The following BRINP2 variants were observed in gnomAD, a reference collection of about 807,000 sequenced individuals.
BRINP2 encodes the protein BMP/retinoic acid inducible neural specific 2.
In BRINP2, 21 loss-of-function variants were observed where a neutral mutation model predicts 69.2. That is an observed-to-expected ratio of 0.30 (90% confidence interval 0.22 to 0.44). The LOEUF (loss-of-function observed/expected upper bound fraction) is 0.44, where lower values mean the gene tolerates loss of function less well. BRINP2 is among the 20% of genes least tolerant of loss of function. The pLI is 1.00. For missense variants in BRINP2, 877 were observed against 986.0 expected (o/e 0.89, Z 1.48); for synonymous variants, 380 against 394.1 (o/e 0.96, Z 0.42).
intron 1 of BRINP2, among the ~76,000 whole-genome samples, chr1:177,208,938 G>T (rs549597530): frequency 6.6e-6 from 1 of 152,178 alleles, no homozygotes; most frequent in Admixed American, 6.5e-5. Context: ...TCTTTTGTTT[G>T]CCTCTTGGGT....
intron 1 of BRINP2, among the ~76,000 whole-genome samples, chr1:177,179,892 C>G (rs1476656072): frequency 6.6e-6 from 1 of 152,090 alleles, no homozygotes; most frequent in Non-Finnish European, 1.5e-5. Context: ...CAAGTTTGCT[C>G]TACAATTTTA....
chr1:177,278,095 G>A (rs1458053717), intron 6 of BRINP2, among the ~76,000 whole-genome samples: 2 of 152,130 alleles, frequency 1.3e-5, no homozygotes, highest in African/African-American at 4.8e-5. Context: ...TCTGAGCTGG[G>A]TGCTGCATCT....
At chr1:177,262,884 C>T (rs898976737) in intron 4 of BRINP2, among the ~76,000 whole-genome samples, 5 of 152,102 alleles carry the variant, frequency 3.3e-5, no homozygotes, top group African/African-American at 1.2e-4. Context: ...ACTGAGAGCC[C>T]GCTTCGGTGG....
intron 4 of BRINP2, among the ~76,000 whole-genome samples, chr1:177,264,230 T>G (rs1651052356): frequency 6.6e-6 from 1 of 152,212 alleles, no homozygotes; most frequent in South Asian, 2.1e-4. Context: ...CTTTCCTCAC[T>G]CTTTAATGGC....
At chr1:177,274,227 G>A (rs1268695552) in intron 5 of BRINP2, among the ~76,000 whole-genome samples, 1 of 152,210 alleles carries the variant, frequency 6.6e-6, no homozygotes, top group Non-Finnish European at 1.5e-5. Context: ...TAACCCTGGA[G>A]GCTGAGGGCT....
intron 1 of BRINP2, among the ~76,000 whole-genome samples, chr1:177,192,734 T>C (rs1648628240): frequency 6.6e-6 from 1 of 152,188 alleles, no homozygotes; most frequent in African/African-American, 2.4e-5. Context: ...TTAAAACTTA[T>C]TTTACCCAAC....
At chr1:177,242,325 A>T (rs1435064241) in intron 2 of BRINP2, among the ~76,000 whole-genome samples, 1 of 152,138 alleles carries the variant, frequency 6.6e-6, no homozygotes, top group African/African-American at 2.4e-5. Context: ...CTCACTTCCA[A>T]ATCCATTCAT....
intron 1 of BRINP2, among the ~76,000 whole-genome samples, chr1:177,219,512 C>T (rs1649466290): frequency 6.6e-6 from 1 of 152,214 alleles, no homozygotes. Context: ...ATTCCACAAG[C>T]TGTCAGGCAA....
At chr1:177,253,675 T>C (rs6663848) in intron 2 of BRINP2, among the ~76,000 whole-genome samples, 87,877 of 151,926 alleles carry the variant, frequency 0.58, 25,782 homozygotes, top group South Asian at 0.65. Flanking sequence ...TTGAGTCTTA[T>C]GTTTAAGTCT....
intron 2 of BRINP2, 45 bp downstream of exon 2, chr1:177,230,190 A>G (rs1649825306): frequency 6.5e-7 from 1 of 1,547,850 alleles, no homozygotes; most frequent in Non-Finnish European, 8.7e-7. Context: ...CTAAGAACCC[A>G]ACCTGCACAG....
chr1:177,269,973 C>G (rs960776826), intron 4 of BRINP2, among the ~76,000 whole-genome samples: 5 of 151,616 alleles, frequency 3.3e-5, no homozygotes, highest in African/African-American at 7.3e-5. Context: ...TGTATAGGCT[C>G]TCTTTATAAT....
intron 4 of BRINP2, among the ~76,000 whole-genome samples, chr1:177,271,513 T>C (rs1214385048): frequency 6.6e-6 from 1 of 152,216 alleles, no homozygotes; most frequent in Non-Finnish European, 1.5e-5. Flanking sequence ...GAATCCTGTT[T>C]CTGCTACTCA....
intron 2 of BRINP2, among the ~76,000 whole-genome samples, chr1:177,236,526 A>G (rs149888837): frequency 1.1e-3 from 169 of 152,334 alleles, no homozygotes; most frequent in African/African-American, 3.8e-3. Context: ...GGTGCTTATT[A>G]TTGCACTAGA....
chr1:177,220,195 C>T (rs1160263297), intron 1 of BRINP2, among the ~76,000 whole-genome samples: 4 of 152,310 alleles, frequency 2.6e-5, no homozygotes, highest in Admixed American at 6.5e-5. Context: ...TATCTATCTA[C>T]AGCAGGAAAT....
At chr1:177,246,338 C>T (rs575547910) in intron 2 of BRINP2, among the ~76,000 whole-genome samples, 2 of 152,326 alleles carry the variant, frequency 1.3e-5, no homozygotes, top group East Asian at 3.9e-4. Context: ...TCTAGTCAAA[C>T]TCTACCACTA....
At chr1:177,184,383 A>G (rs1648365791) in intron 1 of BRINP2, among the ~76,000 whole-genome samples, 1 of 152,064 alleles carries the variant, frequency 6.6e-6, no homozygotes, top group African/African-American at 2.4e-5. Flanking sequence ...GGTTCTCCCC[A>G]ACCCCACCCC....
chr1:177,276,044 C>G (rs1421948718), intron 5 of BRINP2, among the ~76,000 whole-genome samples, 154 bp from the exon 6 acceptor site: 1 of 152,224 alleles, frequency 6.6e-6, no homozygotes, highest in Admixed American at 6.5e-5. Context: ...TCTCCCCCAA[C>G]CAGCTCAGCA....
chr1:177,194,932 G>A (rs957061861), intron 1 of BRINP2, among the ~76,000 whole-genome samples: 3 of 152,032 alleles, frequency 2.0e-5, no homozygotes, highest in Non-Finnish European at 2.9e-5. Context: ...CACCTTCCGG[G>A]CCTCATAACA....
At chr1:177,194,545 T>C (rs1455897263) in intron 1 of BRINP2, among the ~76,000 whole-genome samples, 4 of 152,216 alleles carry the variant, frequency 2.6e-5, no homozygotes, top group African/African-American at 9.6e-5. Context: ...GGAATGGGAA[T>C]GAGATGCATT....
Sources: gnomAD v4.1 joint callset for allele counts (sites outside exome capture counted in the v4.1 genomes callset) on GRCh38, gnomAD v4.1.1 for gene constraint, MANE v1.5 for transcripts, NCBI Gene and HGNC (gene_info 2026-07-23, HGNC 2026-07-21) for gene names.